Variants in ELP3 observed in about 807,000 individuals in gnomAD.
ELP3 encodes the protein elongator acetyltransferase complex subunit 3.
A neutral mutation model predicts 74.9 loss-of-function variants in ELP3; 56 were observed. The observed-to-expected ratio is 0.75, with a 90% CI of 0.60 to 0.93. ELP3 has a LOEUF of 0.93. ELP3 is among the 40% of genes least tolerant of loss of function. The probability of loss-of-function intolerance (pLI) is 0.00; values close to 1 mark genes in which losing one functional copy is unlikely to be tolerated. For synonymous variants in ELP3, 222 were observed against 239.8 expected (o/e 0.93, Z 0.68); for missense variants, 573 against 686.5 (o/e 0.83, Z 1.85).
At chr8:28,096,523 G>C (rs1390949265) in intron 1 of ELP3, among the ~76,000 whole-genome samples, 1 of 152,236 alleles carries the variant, frequency 6.6e-6, no homozygotes, top group Non-Finnish European at 1.5e-5. Context: ...AAAGAGCTCA[G>C]ATTGGCCTGG....
rs1813941914 is a variant in ELP3, at chr8:28,158,646, A to G, written c.1257+13A>G. 6.2e-7 allele frequency: 1 copy of G among 1,609,214 alleles called. No individual in the cohort carries two copies. Among genetic ancestry groups the G allele is most frequent in the Non-Finnish European group, 8.5e-7 (1 of 1,176,280 alleles). On this transcript the variant is annotated intron_variant, in intron 12 of 14. Coordinates refer to ENST00000256398, the MANE Select transcript of ELP3 (RefSeq NM_018091.6). ...ACGGCCATACCAGGTTAGTCTCTTCATGTCATAGAGGGCCTAGGTACTGTC... is the reference window on the plus strand; with the variant it reads ...ACGGCCATACCAGGTTAGTCTCTTCGTGTCATAGAGGGCCTAGGTACTGTC...
chr8:28,184,960 C>G (rs1468465471), intron 14 of ELP3, among the ~76,000 whole-genome samples: 1 of 39,334 alleles, frequency 2.5e-5, no homozygotes, highest in Admixed American at 2.0e-4. Context: ...AAGAGCAAAA[C>G]TCCATCTCAA....
At chr8:28,142,352 G>T (rs1020410641) in intron 10 of ELP3, among the ~76,000 whole-genome samples, 1 of 152,162 alleles carries the variant, frequency 6.6e-6, no homozygotes, top group Non-Finnish European at 1.5e-5. Flanking sequence ...GCCCATAGGA[G>T]AGTCCACAAG....
chr8:28,141,867 A>C (rs974499784), intron 10 of ELP3, among the ~76,000 whole-genome samples: 3 of 152,240 alleles, frequency 2.0e-5, no homozygotes, highest in Non-Finnish European at 4.4e-5. Flanking sequence ...GCCGCAGAGC[A>C]TGGCAACAGA....
intron 10 of ELP3, among the ~76,000 whole-genome samples, chr8:28,142,727 A>G (rs993046055): frequency 4.6e-5 from 7 of 152,198 alleles, no homozygotes; most frequent in African/African-American, 9.7e-5. Context: ...TTAACTGTGA[A>G]TATGATCATT....
At chr8:28,122,331 T>C (rs1812405627) in intron 7 of ELP3, among the ~76,000 whole-genome samples, 1 of 152,240 alleles carries the variant, frequency 6.6e-6, no homozygotes, top group African/African-American at 2.4e-5. Context: ...AAGGATGTGT[T>C]GTTCCCTCCC....
chr8:28,174,990 A>G (rs1196204721), intron 14 of ELP3, among the ~76,000 whole-genome samples: 1 of 152,134 alleles, frequency 6.6e-6, no homozygotes, highest in Non-Finnish European at 1.5e-5. Flanking sequence ...TCTGACCTCC[A>G]TAGTTTCTAA....
chr8:28,127,182 GACCT>G (rs1449310713), intron 7 of ELP3, among the ~76,000 whole-genome samples: 1 of 152,144 alleles, frequency 6.6e-6, no homozygotes, highest in Admixed American at 6.5e-5. Context: ...CTTATAAAGA[GACCT>G]TGTGCAGCAG....
chr8:28,106,679 T>C, intron 3 of ELP3, 34 bp from the exon 4 acceptor site: 1 of 1,581,748 alleles, frequency 6.3e-7, no homozygotes, highest in Non-Finnish European at 8.7e-7. Flanking sequence ...TTAATTATCC[T>C]ATAATAGCTT....
chr8:28,143,308 GA>G (rs1301037016), intron 10 of ELP3, among the ~76,000 whole-genome samples: 2 of 152,056 alleles, frequency 1.3e-5, no homozygotes, highest in Admixed American at 1.3e-4. Flanking sequence ...ACAGTCTGTA[GA>G]ATATTACTAA....
chr8:28,148,001 C>T (rs1160764457), intron 10 of ELP3, among the ~76,000 whole-genome samples: 1 of 151,944 alleles, frequency 6.6e-6, no homozygotes, highest in Non-Finnish European at 1.5e-5. Flanking sequence ...AAATAGGAAT[C>T]CATAAGTTTG....
intron 9 of ELP3, 22 bp from the exon 10 acceptor site, chr8:28,137,676 A>AT: frequency 6.2e-7 from 1 of 1,606,994 alleles, no homozygotes; most frequent in Non-Finnish European, 8.5e-7. Flanking sequence ...TGGAGAAGTC[A>AT]TTTTCTGTTC....
intron 3 of ELP3, among the ~76,000 whole-genome samples, chr8:28,104,627 T>C (rs960481376): frequency 6.6e-6 from 1 of 152,232 alleles, no homozygotes; most frequent in Non-Finnish European, 1.5e-5. Context: ...TCCCTCAGTG[T>C]GGGTTCATCA....
chr8:28,189,870 T>C lies in ELP3; in HGVS notation c.*145T>C, dbSNP rs1231865487. 31 of 835,146 alleles carry C rather than the reference T, an allele frequency of 3.7e-5. No individual in the cohort carries two copies. Among genetic ancestry groups the C allele is most frequent in the Non-Finnish European group, 5.3e-5 (28 of 532,906 alleles). 51.7% of individuals were successfully genotyped at this position (835,146 alleles called of 1,614,324 possible). On this transcript the variant is annotated 3_prime_UTR_variant, in exon 15 of 15. Coordinates refer to ENST00000256398, the MANE Select transcript of ELP3 (RefSeq NM_018091.6). Reference sequence around the variant, plus strand: ...GCAGCTGCAGAGACTGGAAACTGCCTTCAAGGCCACGGCTGGTCATCTGCT... The same window carrying C: ...GCAGCTGCAGAGACTGGAAACTGCCCTCAAGGCCACGGCTGGTCATCTGCT...
In ELP3 at chr8:28,147,059, T is replaced by C. The variant is rs555967600; in HGVS notation, c.1101-8883T>C. On this transcript the variant is annotated intron_variant, in intron 10 of 14. Coordinates refer to ENST00000256398, the MANE Select transcript of ELP3 (RefSeq NM_018091.6). This position sits in a 1 kb window ranked among gnomAD's most constrained non-coding sequence, Gnocchi z 4.5. ...GTCACCGTCTTGAAATTATTAATAATTTTTTTCACAAGGACTCATGTTCTC... is the reference window on the plus strand; with the variant it reads ...GTCACCGTCTTGAAATTATTAATAACTTTTTTCACAAGGACTCATGTTCTC... 3.3e-5 allele frequency among the ~76,000 whole-genome samples: 5 copies of C among 152,252 alleles called. No homozygotes were observed. The South Asian group carries it at 1.0e-3, about 32-fold the overall frequency.
chr8:28,093,384 C>T (rs1057424417), intron 1 of ELP3, 151 bp downstream of exon 1: 2 of 1,049,052 alleles, frequency 1.9e-6, no homozygotes, highest in Admixed American at 2.8e-5. Context: ...TTCTGGTCCC[C>T]GAGCCTTCTC....
At chr8:28,100,381 G>A (rs559747363) in intron 3 of ELP3, among the ~76,000 whole-genome samples, 1 of 152,336 alleles carries the variant, frequency 6.6e-6, no homozygotes, top group African/African-American at 2.4e-5. Flanking sequence ...TGTCCCTGCA[G>A]CAAAAGGGGC....
rs78582633 is a variant in ELP3, at chr8:28,164,272, G to A, written c.1567+2194G>A. On this transcript the variant is annotated intron_variant, in intron 14 of 14. Transcript: ENST00000256398. ...GCGGGGTGATTTCCATTTTCTAAGTGGAAATCAGCATCTGCCCTCTTTCTG... is the reference window on the plus strand; with the variant it reads ...GCGGGGTGATTTCCATTTTCTAAGTAGAAATCAGCATCTGCCCTCTTTCTG... Among the ~76,000 whole-genome samples, 1,403 of 152,166 alleles carry A rather than the reference G, an allele frequency of 9.2e-3. 24 individuals carry two copies. The highest frequency in any genetic ancestry group is 0.031 in the African/African-American group (1,300 of 41,506).
intron 11 of ELP3, among the ~76,000 whole-genome samples, chr8:28,158,119 T>C (rs904379178): frequency 2.0e-5 from 3 of 150,722 alleles, no homozygotes; most frequent in Non-Finnish European, 4.4e-5. Flanking sequence ...GATACAAATA[T>C]GGGGATGCTA....
Sources: allele counts gnomAD v4.1 joint callset (sites outside exome capture counted in the v4.1 genomes callset), GRCh38; gene constraint gnomAD v4.1.1; non-coding constraint Gnocchi (gnomAD v3.1); transcripts MANE v1.5; gene names NCBI Gene and HGNC (gene_info 2026-07-23, HGNC 2026-07-21).